Variants in TBC1D5 observed in about 807,000 individuals in gnomAD.
TBC1D5 encodes TBC1 domain family member 5.
A neutral mutation model predicts 100.3 loss-of-function variants in TBC1D5; 75 were observed. That is an observed-to-expected ratio of 0.75 (90% CI 0.62 to 0.91). The LOEUF is 0.91. TBC1D5 is among the 40% of genes least tolerant of loss of function. The pLI is 0.00. For synonymous variants in TBC1D5, 323 were observed against 325.6 expected (o/e 0.99, Z 0.09); for missense variants, 910 against 942.4 (o/e 0.97, Z 0.45).
intron 2 of TBC1D5, among the ~76,000 whole-genome samples, chr3:17,613,406 TG>T (rs2061854014): frequency 1.3e-5 from 2 of 152,234 alleles, no homozygotes. Flanking sequence ...TACCCAGTAA[TG>T]GGATTGCTAG....
chr3:17,257,860 T>C (rs1293643603), intron 16 of TBC1D5, among the ~76,000 whole-genome samples: 1 of 152,200 alleles, frequency 6.6e-6, no homozygotes, highest in Non-Finnish European at 1.5e-5. Flanking sequence ...ATTACTAACA[T>C]TTTAGTCTTC....
chr3:17,480,983 T>G (rs1171178971), intron 3 of TBC1D5, among the ~76,000 whole-genome samples: 1 of 152,110 alleles, frequency 6.6e-6, no homozygotes, highest in Admixed American at 6.5e-5. Context: ...CTCACCACAT[T>G]GTGGGCAATC....
chr3:17,227,854 T>G (rs563744199), intron 17 of TBC1D5, among the ~76,000 whole-genome samples: 179 of 59,946 alleles, frequency 3.0e-3, no homozygotes, highest in African/African-American at 0.012. Context: ...AAATAAAAGT[T>G]TTTTTTTTTT....
intron 2 of TBC1D5, among the ~76,000 whole-genome samples, chr3:17,605,923 T>A (rs1172108090): frequency 6.6e-6 from 1 of 152,218 alleles, no homozygotes; most frequent in African/African-American, 2.4e-5. Flanking sequence ...CTGACTTCTG[T>A]ATTATACTCT....
chr3:17,356,532 T>TA (rs1478102413), intron 13 of TBC1D5, among the ~76,000 whole-genome samples: 34 of 152,210 alleles, frequency 2.2e-4, no homozygotes, highest in Non-Finnish European at 5.9e-5. Context: ...GTTCTATTTT[T>TA]AAAGAACCAT....
intron 13 of TBC1D5, among the ~76,000 whole-genome samples, chr3:17,319,794 C>T (rs1237072157): frequency 3.9e-5 from 6 of 151,982 alleles, no homozygotes; most frequent in Non-Finnish European, 5.9e-5. Context: ...GGTGTGAACC[C>T]GGGAGGCGGA....
intron 3 of TBC1D5, among the ~76,000 whole-genome samples, chr3:17,436,437 A>G (rs541576616): frequency 6.6e-6 from 1 of 152,306 alleles, no homozygotes; most frequent in East Asian, 1.9e-4. Flanking sequence ...CTAGTTCTAC[A>G]CAAGGAGAAA....
chr3:17,451,767 T>A (rs1457947770), intron 3 of TBC1D5, among the ~76,000 whole-genome samples: 1 of 151,818 alleles, frequency 6.6e-6, no homozygotes, highest in African/African-American at 2.4e-5. Context: ...GAACTTAAAG[T>A]AAAATATTAG....
At chr3:17,335,267 G>C (rs1434942380) in intron 13 of TBC1D5, among the ~76,000 whole-genome samples, 2 of 152,100 alleles carry the variant, frequency 1.3e-5, no homozygotes, top group Non-Finnish European at 2.9e-5. Flanking sequence ...GAATCAAGTG[G>C]CTGTTACTTT....
At chr3:17,228,113 A>T (rs1210003481) in intron 17 of TBC1D5, among the ~76,000 whole-genome samples, 1 of 152,120 alleles carries the variant, frequency 6.6e-6, no homozygotes, top group Non-Finnish European at 1.5e-5. Context: ...TGAGTGGACC[A>T]TCTGTTGCGT....
intron 1 of TBC1D5, among the ~76,000 whole-genome samples, chr3:17,635,232 G>GT (rs138726870): frequency 0.017 from 2,521 of 152,280 alleles, 54 homozygotes; most frequent in South Asian, 0.048. Context: ...AGTATATTGA[G>GT]TTTGAGATGA....
At chr3:17,232,497 C>T (rs1445758217) in intron 17 of TBC1D5, among the ~76,000 whole-genome samples, 1 of 152,126 alleles carries the variant, frequency 6.6e-6, no homozygotes, top group Non-Finnish European at 1.5e-5. Context: ...TGCCTTTCCT[C>T]TTGTCCATGC....
At chr3:17,173,299 A>T (rs2067354569) in intron 19 of TBC1D5, among the ~76,000 whole-genome samples, 1 of 152,224 alleles carries the variant, frequency 6.6e-6, no homozygotes, top group Non-Finnish European at 1.5e-5. Flanking sequence ...CACCAGAGAT[A>T]TGCAGAGGCA....
At chr3:17,484,297 A>G (rs777611292) in intron 3 of TBC1D5, among the ~76,000 whole-genome samples, 1 of 152,202 alleles carries the variant, frequency 6.6e-6, no homozygotes, top group Non-Finnish European at 1.5e-5. Context: ...AGAGATAACA[A>G]AACAGTTTAC....
chr3:17,439,132 G>C (rs889656649), intron 3 of TBC1D5, among the ~76,000 whole-genome samples: 5 of 152,088 alleles, frequency 3.3e-5, no homozygotes, highest in Non-Finnish European at 7.4e-5. Flanking sequence ...TTCAACTGGT[G>C]ATTACAATCA....
chr3:17,639,266 C>T (rs938992531), intron 1 of TBC1D5, among the ~76,000 whole-genome samples: 17 of 152,126 alleles, frequency 1.1e-4, no homozygotes, highest in African/African-American at 3.6e-4. Context: ...CAAAGATAGG[C>T]ACCACAGACC....
At chr3:17,476,099 T>A (rs921664096) in intron 3 of TBC1D5, among the ~76,000 whole-genome samples, 1 of 150,640 alleles carries the variant, frequency 6.6e-6, no homozygotes, top group Non-Finnish European at 1.5e-5. Context: ...TGCTAAACTT[T>A]TTTTAGTTTT....
intron 4 of TBC1D5, among the ~76,000 whole-genome samples, chr3:17,426,874 T>C (rs1227018841): frequency 2.6e-5 from 4 of 151,998 alleles, no homozygotes; most frequent in Admixed American, 6.5e-5. Context: ...TTTCCTTCCT[T>C]TGAAATACAT....
At chr3:17,235,759 G>A (rs182832939) in intron 17 of TBC1D5, among the ~76,000 whole-genome samples, 55 of 152,290 alleles carry the variant, frequency 3.6e-4, no homozygotes, top group Non-Finnish European at 4.6e-4. Context: ...ATCAATGGAT[G>A]AATAGAGAAG....
Sources: gnomAD v4.1 joint callset for allele counts (sites outside exome capture counted in the v4.1 genomes callset) on GRCh38, gnomAD v4.1.1 for gene constraint, MANE v1.5 for transcripts, NCBI Gene and HGNC (gene_info 2026-07-23, HGNC 2026-07-21) for gene names.